OR2A14: variants seen among roughly 807,000 people sequenced by gnomAD.
OR2A14 encodes the protein olfactory receptor 2A14.
In OR2A14, 2 loss-of-function variants were observed where a neutral mutation model predicts 2.4. The observed-to-expected ratio is 0.85, with a 90% confidence interval of 0.35 to 2.67. OR2A14 has a LOEUF of 2.67. Among genes scored for constraint, OR2A14 ranks in the 30% most tolerant of loss-of-function variants. OR2A14 has a pLI of 0.10. For synonymous variants in OR2A14, 160 were observed against 156.3 expected, an observed-to-expected ratio of 1.02 and a Z score of -0.18; for missense variants, 390 against 379.4, an observed-to-expected ratio of 1.03 and a Z score of -0.23.
intron 1 of OR2A14, 152 bp from the exon 2 acceptor site, chr7:144,128,927 C>T (rs1478657281): frequency 3.5e-6 from 2 of 578,460 alleles, no homozygotes; most frequent in South Asian, 2.2e-5. Context: ...TGTATGTATT[C>T]TTATTATTCC....
At chr7:144,125,997 AC>A (rs1449725272) in intron 1 of OR2A14, among the ~76,000 whole-genome samples, 1 of 152,128 alleles carries the variant, frequency 6.6e-6, no homozygotes, top group Non-Finnish European at 1.5e-5. Flanking sequence ...GCCAGGAGGG[AC>A]TAAAAATATG....
At chr7:144,126,613 A>T (rs1038868118) in intron 1 of OR2A14, among the ~76,000 whole-genome samples, 1 of 151,988 alleles carries the variant, frequency 6.6e-6, no homozygotes, top group African/African-American at 2.4e-5. Context: ...TATTTTACCT[A>T]GATTATTTCC....
Position 144,129,373 on chromosome 7 carries a change from G to A in OR2A14, c.261G>A (p.Gln87=). ...VPKMLTNLMN[Q]ESTISFFPCI... The stretch of plus-strand genomic sequence containing the variant: ...AGATGCTGACGAATCTTATGAACCA[G>A]GAAAGCACCATCTCCTTTTTTCCAT... The change falls in exon 2 of 2, where the codon CAG becomes CAA. Residue 87 remains glutamine, a synonymous_variant. Coordinates refer to ENST00000641068, the MANE Select transcript of OR2A14 (RefSeq NM_001001659.3). 1 of 1,614,180 alleles carries A rather than the reference G, an allele frequency of 6.2e-7. No homozygotes were observed.
intron 1 of OR2A14, among the ~76,000 whole-genome samples, chr7:144,124,685 T>C (rs2051469543): frequency 6.6e-6 from 1 of 152,106 alleles, no homozygotes; most frequent in South Asian, 2.1e-4. Context: ...TACGCCCCCC[T>C]TTTCTTTCCA....
intron 1 of OR2A14, among the ~76,000 whole-genome samples, chr7:144,128,425 T>C (rs1441183181): frequency 6.6e-6 from 1 of 152,158 alleles, no homozygotes; most frequent in Non-Finnish European, 1.5e-5. Context: ...ACTCTCAAAA[T>C]AAAACTACAA....
chr7:144,129,296 C>T lies in OR2A14; in HGVS notation c.184C>T (p.Leu62Phe), dbSNP rs771520177. ...GCTTCACACACCCATGTACTTCTTC[C>T]TCTCACACCTGGCCATTGTTGACAT... ...CKLHTPMYFF[L>F]SHLAIVDISY... The change falls in exon 2 of 2, where the codon CTC becomes TTC. Residue 62 changes from leucine to phenylalanine, a missense_variant. Leu to Phe is a conservative substitution (Grantham distance 22). Transcript: ENST00000641068. 5.0e-6 allele frequency: 8 copies of T among 1,614,214 alleles called. No individual in the cohort carries two copies. In the South Asian group the frequency reaches 8.8e-5, roughly 18 times the overall value.
At position 144,129,302 on chromosome 7, in the gene OR2A14, C is replaced by T. The variant is rs1239041185; in HGVS notation, c.190C>T (p.His64Tyr). ...CACACCCATGTACTTCTTCCTCTCA[C>T]ACCTGGCCATTGTTGACATATCCTA... Reference protein sequence around the residue: ...LHTPMYFFLSHLAIVDISYAS... With the variant: ...LHTPMYFFLSYLAIVDISYAS... Residue 64 changes from histidine to tyrosine, a missense_variant, in exon 2 of 2, where the codon CAC (histidine) becomes TAC (tyrosine). His to Tyr is a moderately conservative substitution (Grantham distance 83). Coordinates refer to ENST00000641068, the MANE Select transcript of OR2A14 (RefSeq NM_001001659.3). The T allele has an allele frequency of 1.9e-6, 3 of 1,614,248 alleles. No homozygotes were observed. Among genetic ancestry groups the T allele is most frequent in the South Asian group, 1.1e-5 (1 of 91,082 alleles).
rs1483221781 is a variant in OR2A14, at chr7:144,128,691, AC to A, written c.-34-386del. Among the ~76,000 whole-genome samples the A allele has an allele frequency of 3.9e-5, 6 of 152,296 alleles. No individual in the cohort carries two copies. In the East Asian group the frequency reaches 1.2e-3, roughly 29 times the overall value. ...GAAGGAAGCAGGATGAGCAAGTGAA[AC>A]CACCTCATAATGCAACATTTGTCAA... On this transcript the variant is annotated intron_variant, in intron 1 of 1. Transcript: ENST00000641068.
chr7:144,129,048 C>A, intron 1 of OR2A14, 31 bp from the exon 2 acceptor site: 1 of 1,253,784 alleles, frequency 8.0e-7, no homozygotes, highest in Non-Finnish European at 1.1e-6. Context: ...TTTCTAAGTG[C>A]TCCCTCTGTG....
At chr7:144,125,620 T>C (rs1383628269) in intron 1 of OR2A14, among the ~76,000 whole-genome samples, 1 of 152,250 alleles carries the variant, frequency 6.6e-6, no homozygotes, top group Non-Finnish European at 1.5e-5. Flanking sequence ...CCTTGTGGCC[T>C]CTTGTACACA....
At position 144,129,557 on chromosome 7, in the gene OR2A14, G is replaced by A. The variant is rs746722616; in HGVS notation, c.445G>A (p.Val149Met). The A allele has an allele frequency of 6.2e-7, 1 of 1,614,138 alleles. No homozygotes were observed. The highest frequency in any genetic ancestry group is 8.5e-7 in the Non-Finnish European group (1 of 1,179,998). ...VCTVLAVASWVFSFLLALVPL... is the reference protein window; with the variant it reads ...VCTVLAVASWMFSFLLALVPL... Reference sequence around the variant, plus strand: ...CACTGTCCTGGCTGTGGCTTCCTGGGTGTTCAGCTTCCTCCTGGCTCTGGT... The same window carrying A: ...CACTGTCCTGGCTGTGGCTTCCTGGATGTTCAGCTTCCTCCTGGCTCTGGT... The change falls in exon 2 of 2, where the codon GTG becomes ATG. Residue 149 changes from valine (V) to methionine (M), a missense_variant. Transcript: ENST00000641068.
In OR2A14 at chr7:144,129,530, T is replaced by G. The variant is rs756457793; in HGVS notation, c.418T>G (p.Cys140Gly). 1.9e-6 allele frequency: 3 copies of G among 1,614,162 alleles called. No individual in the cohort carries two copies. Among genetic ancestry groups the G allele is most frequent in the Non-Finnish European group, 2.5e-6 (3 of 1,180,006 alleles). Reference sequence around the variant, plus strand: ...CAATAGCCTCATGAGCTGGAGAGTGTGCACTGTCCTGGCTGTGGCTTCCTG... The same window carrying G: ...CAATAGCCTCATGAGCTGGAGAGTGGGCACTGTCCTGGCTGTGGCTTCCTG... ...RYNSLMSWRV[C>G]TVLAVASWVF... Residue 140 changes from cysteine to glycine, a missense_variant, in exon 2 of 2, where the codon TGC becomes GGC. Cys to Gly is a radical substitution (Grantham distance 159, BLOSUM62 -3). Transcript: ENST00000641068.
intron 1 of OR2A14, among the ~76,000 whole-genome samples, chr7:144,126,659 C>T (rs1158406125): frequency 6.6e-6 from 1 of 152,110 alleles, no homozygotes; most frequent in African/African-American, 2.4e-5. Flanking sequence ...ATTATCTTTA[C>T]TTGTTTACTC....
Position 144,129,979 on chromosome 7 carries a change from T to C in OR2A14, c.867T>C (p.Tyr289=), listed in dbSNP as rs997873466. The stretch of plus-strand genomic sequence containing the variant: ...ATCCAATGCTGAACCCCCTGATATA[T>C]AGCCTAAGGAATGCAGAGGTCAAGG... ...LFNPMLNPLI[Y]SLRNAEVKGA... Residue 289 remains tyrosine (Y), a synonymous_variant, in exon 2 of 2, where the codon TAT becomes TAC. Coordinates refer to ENST00000641068, the MANE Select transcript of OR2A14 (RefSeq NM_001001659.3). The C allele has an allele frequency of 1.1e-5, 18 of 1,614,092 alleles. No homozygotes were observed. The highest frequency in any genetic ancestry group is 3.3e-5 in the South Asian group (3 of 91,084).
At chr7:144,127,414 T>C (rs1038309224) in intron 1 of OR2A14, among the ~76,000 whole-genome samples, 1 of 152,220 alleles carries the variant, frequency 6.6e-6, no homozygotes, top group Non-Finnish European at 1.5e-5. Context: ...ACCTTAGAAA[T>C]GTCTGTATAT....
chr7:144,126,337 A>T (rs1026519997), intron 1 of OR2A14, among the ~76,000 whole-genome samples: 2 of 152,210 alleles, frequency 1.3e-5, no homozygotes, highest in African/African-American at 4.8e-5. Flanking sequence ...GGTTACAAAG[A>T]ATAAGTACAA....
chr7:144,125,215 C>T (rs1467012632), intron 1 of OR2A14, among the ~76,000 whole-genome samples: 1 of 152,162 alleles, frequency 6.6e-6, no homozygotes, highest in East Asian at 1.9e-4. Flanking sequence ...AGTGTTCTGG[C>T]CAAGACTGTT....
In OR2A14 at chr7:144,129,868, C is replaced by T; in HGVS notation, c.756C>T (p.Gly252=). 1 of 1,614,220 alleles carries T rather than the reference C, an allele frequency of 6.2e-7. No individual in the cohort carries two copies. The part of the protein sequence containing the change: ...SHLCVVGLFF[G]SAIVTYMAPK... ...TTTGCGTGGTGGGACTCTTCTTTGG[C>T]AGCGCCATTGTCACGTACATGGCCC... Residue 252 remains glycine (G), a synonymous_variant, in exon 2 of 2, where the codon GGC becomes GGT. Coordinates refer to ENST00000641068, the MANE Select transcript of OR2A14 (RefSeq NM_001001659.3).
chr7:144,124,767 A>AT (rs562464587), intron 1 of OR2A14, among the ~76,000 whole-genome samples: 8 of 151,314 alleles, frequency 5.3e-5, no homozygotes, highest in East Asian at 1.9e-4. Flanking sequence ...TACAGCCTGT[A>AT]TTTTTTTTTC....
Sources: gnomAD v4.1 joint callset for allele counts (sites outside exome capture counted in the v4.1 genomes callset) on GRCh38, gnomAD v4.1.1 for gene constraint, MANE v1.5 for transcripts, NCBI Gene and HGNC (gene_info 2026-07-23, HGNC 2026-07-21) for gene names.